Variants in SH3PXD2A observed in about 807,000 individuals in gnomAD.
SH3PXD2A encodes the protein SH3 and PX domain-containing protein 2A.
In SH3PXD2A, 32 loss-of-function variants were observed where a neutral mutation model predicts 115.2. The ratio of observed to expected loss-of-function variants is 0.28; its 90% confidence interval spans 0.21 to 0.37. The LOEUF (loss-of-function observed/expected upper bound fraction) is 0.37, where lower values mean the gene tolerates loss of function less well. Ranked by LOEUF, SH3PXD2A falls within the 10% of genes least tolerant of loss-of-function variation. SH3PXD2A has a pLI of 1.00. For synonymous variants in SH3PXD2A, 610 were observed against 629.1 expected, an observed-to-expected ratio of 0.97 and a Z score of 0.45; for missense variants, 1,328 against 1,498.7, an observed-to-expected ratio of 0.89 and a Z score of 1.88.
intron 3 of SH3PXD2A, among the ~76,000 whole-genome samples, chr10:103,748,607 A>G (rs1458913870): frequency 6.6e-6 from 1 of 152,236 alleles, no homozygotes; most frequent in Admixed American, 6.5e-5. Context: ...GGAGGGAGAC[A>G]GGGCTGAGGA....
chr10:103,851,186 T>C (rs1335135746), intron 1 of SH3PXD2A, among the ~76,000 whole-genome samples: 1 of 149,426 alleles, frequency 6.7e-6, no homozygotes, highest in East Asian at 2.0e-4. Context: ...AATGAATGAG[T>C]TTGGGGCCAA....
intron 4 of SH3PXD2A, among the ~76,000 whole-genome samples, chr10:103,725,973 G>GGGT (rs1386065351): frequency 2.0e-5 from 3 of 152,360 alleles, no homozygotes; most frequent in African/African-American, 7.2e-5. Context: ...GAGGGGTTGG[G>GGGT]GGTGTAGGGT....
In SH3PXD2A at chr10:103,603,190, A is replaced by G; in HGVS notation, c.2028T>C (p.Asn676=). 6.2e-7 allele frequency: 1 copy of G among 1,614,132 alleles called. No individual in the cohort carries two copies. The highest frequency in any genetic ancestry group is 8.5e-7 in the Non-Finnish European group (1 of 1,180,026). ...GGTTCTTCCCCATTTCTGCCTGGGCATTCTTCTCTGCCTTGAGCTTTAGGA... is the reference window on the plus strand; with the variant it reads ...GGTTCTTCCCCATTTCTGCCTGGGCGTTCTTCTCTGCCTTGAGCTTTAGGA... ...SSLLKLKAEK[N]AQAEMGKNHS... Residue 676 remains asparagine (N), a synonymous_variant, in exon 15 of 15, where the codon AAT becomes AAC. Coordinates refer to ENST00000369774, the MANE Select transcript of SH3PXD2A (RefSeq NM_001394015.1).
chr10:103,655,366 C>A (rs2134034524), intron 8 of SH3PXD2A, among the ~76,000 whole-genome samples: 1 of 152,342 alleles, frequency 6.6e-6, no homozygotes, highest in Non-Finnish European at 1.5e-5. Context: ...TGTTGGGACA[C>A]TTCTTTTCTA....
chr10:103,740,265 G>GTGGC (rs1202047088), intron 3 of SH3PXD2A, among the ~76,000 whole-genome samples: 4 of 152,204 alleles, frequency 2.6e-5, no homozygotes, highest in African/African-American at 4.8e-5. Flanking sequence ...CAGCTATCTA[G>GTGGC]TGGCTGAGCT....
intron 11 of SH3PXD2A, among the ~76,000 whole-genome samples, chr10:103,616,292 C>A (rs2036517527): frequency 6.6e-6 from 1 of 152,058 alleles, no homozygotes; most frequent in Admixed American, 6.5e-5. Context: ...ATCTGGGGTC[C>A]CCAGAGCCCA....
chr10:103,675,331 G>C (rs1333205760), intron 6 of SH3PXD2A, among the ~76,000 whole-genome samples: 1 of 152,200 alleles, frequency 6.6e-6, no homozygotes, highest in Non-Finnish European at 1.5e-5. Context: ...TATGTAGCTA[G>C]CTATGCCCAA....
In SH3PXD2A at chr10:103,603,049, A is replaced by G; in HGVS notation, c.2169T>C (p.Ala723=). ...GAGTGCCGCGGATGCCTGCGTCCGA[A>G]GCAGAGCGGGGCTTCAGGTCGCCAC... ...KTSGDLKPRS[A]SDAGIRGTPK... Residue 723 remains alanine, a synonymous_variant, in exon 15 of 15, where the codon GCT becomes GCC. Transcript: ENST00000369774. 1 of 1,613,974 alleles carries G rather than the reference A, an allele frequency of 6.2e-7. No individual in the cohort carries two copies. Among genetic ancestry groups the G allele is most frequent in the South Asian group, 1.1e-5 (1 of 91,082 alleles).
intron 2 of SH3PXD2A, among the ~76,000 whole-genome samples, chr10:103,776,432 G>C (rs1020741022): frequency 9.6e-6 from 1 of 104,294 alleles, no homozygotes; most frequent in Non-Finnish European, 2.1e-5. Flanking sequence ...ATGCGTGTGT[G>C]TGTCTGTGTG....
Position 103,735,724 on chromosome 10 carries a change from A to C in SH3PXD2A, c.306+8T>G. 1 of 1,592,286 alleles carries C rather than the reference A, an allele frequency of 6.3e-7. No individual in the cohort carries two copies. The highest frequency in any genetic ancestry group is 8.6e-7 in the Non-Finnish European group (1 of 1,162,844). ...GAGCCCCTCCCCCAGCCCCAGATAC[A>C]CTCTCACCCGGCAGTATTCATCGAT... On this transcript the variant is annotated splice_region_variant and intron_variant, in intron 4 of 14. Transcript: ENST00000369774.
intron 2 of SH3PXD2A, among the ~76,000 whole-genome samples, chr10:103,800,426 T>C (rs1400651143): frequency 1.3e-5 from 2 of 152,200 alleles, no homozygotes; most frequent in Admixed American, 6.5e-5. Context: ...CTAGAGCTGC[T>C]GACAGCCATA....
At chr10:103,702,169 C>T (rs938698564) in intron 5 of SH3PXD2A, among the ~76,000 whole-genome samples, 1 of 151,962 alleles carries the variant, frequency 6.6e-6, no homozygotes, top group Non-Finnish European at 1.5e-5. Context: ...ATCCATCCAC[C>T]ATCCATCCAT....
chr10:103,655,986 A>G (rs2037206591), intron 8 of SH3PXD2A, among the ~76,000 whole-genome samples: 1 of 152,232 alleles, frequency 6.6e-6, no homozygotes, highest in African/African-American at 2.4e-5. Context: ...CATACAGTAT[A>G]CTTCATCCTT....
chr10:103,708,815 C>T (rs2038013300), intron 5 of SH3PXD2A, among the ~76,000 whole-genome samples: 7 of 152,162 alleles, frequency 4.6e-5, no homozygotes, highest in Admixed American at 4.6e-4. Flanking sequence ...ATCCTCGTGG[C>T]TGCCAGGACC....
intron 10 of SH3PXD2A, among the ~76,000 whole-genome samples, chr10:103,618,811 G>A (rs907315460): frequency 3.9e-5 from 6 of 152,168 alleles, no homozygotes; most frequent in African/African-American, 9.7e-5. Flanking sequence ...GGATGCTGGC[G>A]GGCAGCCTGC....
chr10:103,741,692 G>A (rs2038445499), intron 3 of SH3PXD2A, among the ~76,000 whole-genome samples: 2 of 152,222 alleles, frequency 1.3e-5, no homozygotes, highest in Non-Finnish European at 2.9e-5. Context: ...GGAGAGCACA[G>A]GTGGGCCTGG....
At chr10:103,606,433 A>T (rs796919611) in intron 13 of SH3PXD2A, among the ~76,000 whole-genome samples, 950 of 22,972 alleles carry the variant, frequency 0.041, 61 homozygotes, top group African/African-American at 0.14. Context: ...AGAATTTGCT[A>T]AAAAAAAAAA....
chr10:103,617,453 G>T, intron 10 of SH3PXD2A, 139 bp from the exon 11 acceptor site: 2 of 641,494 alleles, frequency 3.1e-6, no homozygotes, highest in South Asian at 3.7e-5. Context: ...GGCTTCTCCA[G>T]GGGAGGGAAG....
chr10:103,749,352 T>A (rs1448356716), intron 3 of SH3PXD2A, among the ~76,000 whole-genome samples: 1 of 152,214 alleles, frequency 6.6e-6, no homozygotes, highest in East Asian at 1.9e-4. Flanking sequence ...TCTGAGAGGG[T>A]CACGCTTTGC....
Sources: gnomAD v4.1 joint callset for allele counts (sites outside exome capture counted in the v4.1 genomes callset) on GRCh38, gnomAD v4.1.1 for gene constraint, MANE v1.5 for transcripts, NCBI Gene and HGNC (gene_info 2026-07-23, HGNC 2026-07-21) for gene names.